The following ATF6 variants were observed in gnomAD, a reference collection of about 807,000 sequenced individuals.
ATF6 encodes the protein cyclic AMP-dependent transcription factor ATF-6 alpha.
Under a neutral mutation model 83.6 loss-of-function variants are expected in ATF6, and 53 were observed. That is an observed-to-expected ratio of 0.63 (90% CI 0.51 to 0.80). The LOEUF (loss-of-function observed/expected upper bound fraction) is 0.80, where lower values mean the gene tolerates loss of function less well. Ranked by LOEUF, ATF6 falls within the 30% of genes least tolerant of loss-of-function variation. The probability of loss-of-function intolerance (pLI) is 0.00; values close to 1 mark genes in which losing one functional copy is unlikely to be tolerated. For missense variants in ATF6, 744 were observed against 797.9 expected, an observed-to-expected ratio of 0.93 and a Z score of 0.81; for synonymous variants, 288 against 285.8, an observed-to-expected ratio of 1.01 and a Z score of -0.08.
intron 10 of ATF6, among the ~76,000 whole-genome samples, chr1:161,846,978 G>A (rs868821904): frequency 6.6e-6 from 1 of 152,104 alleles, no homozygotes; most frequent in South Asian, 2.1e-4. Flanking sequence ...GAACCTATTT[G>A]CAGTCATTAG....
chr1:161,802,681 G>T (rs571529665), intron 7 of ATF6, among the ~76,000 whole-genome samples: 8 of 152,178 alleles, frequency 5.3e-5, no homozygotes, highest in African/African-American at 1.9e-4. Context: ...TTTTTAGGTA[G>T]GTTTTATATT....
chr1:161,780,557 TAG>T (rs1196220472), intron 2 of ATF6, among the ~76,000 whole-genome samples: 1 of 151,986 alleles, frequency 6.6e-6, no homozygotes, highest in East Asian at 1.9e-4. Flanking sequence ...GTATTTTTAG[TAG>T]AGATGGGGTT....
intron 14 of ATF6, chr1:161,892,106 G>A (rs1034550506): frequency 2.0e-5 from 3 of 151,850 alleles, no homozygotes; most frequent in African/African-American, 7.3e-5. Flanking sequence ...TTCTTTTTTT[G>A]CGAGGAACGG....
At position 161,961,560 on chromosome 1, in the gene ATF6, A is replaced by G. The variant is rs986066662; in HGVS notation, c.*2906A>G. 2 of 148,674 alleles carry G rather than the reference A, an allele frequency of 1.3e-5. No homozygotes were observed. The highest frequency in any genetic ancestry group is 5.1e-5 in the African/African-American group (2 of 39,242). The allele number at this position is 148,674 out of a possible 1,614,324, so 9.2% of individuals were successfully genotyped here. On this transcript the variant is annotated 3_prime_UTR_variant, in exon 16 of 16. Transcript: ENST00000367942. ...GCCCTTTAGGAAATGAGAAGTTGCC[A>G]TGCCAGATTAATTTTTTTTTTTTTT...
chr1:161,790,737 G>A (rs1684854876), intron 4 of ATF6, among the ~76,000 whole-genome samples: 2 of 151,986 alleles, frequency 1.3e-5, no homozygotes, highest in Admixed American at 1.3e-4. Flanking sequence ...CTTGAACTGG[G>A]GAGGCAGAGG....
chr1:161,811,089 T>G (rs1159426353), intron 7 of ATF6, among the ~76,000 whole-genome samples: 2 of 152,216 alleles, frequency 1.3e-5, no homozygotes, highest in Non-Finnish European at 2.9e-5. Flanking sequence ...ATTTTCACAG[T>G]CTTTTAAGAA....
At chr1:161,825,869 T>A (rs1571164805) in intron 9 of ATF6, among the ~76,000 whole-genome samples, 2 of 152,080 alleles carry the variant, frequency 1.3e-5, no homozygotes, top group Non-Finnish European at 2.9e-5. Context: ...ACCCACTAAT[T>A]ATGTGGTTGG....
At chr1:161,918,588 G>C (rs1688145811) in intron 15 of ATF6, among the ~76,000 whole-genome samples, 1 of 152,154 alleles carries the variant, frequency 6.6e-6, no homozygotes, top group Admixed American at 6.5e-5. Context: ...CAAAAAGTTT[G>C]AGTACCTATT....
intron 14 of ATF6, among the ~76,000 whole-genome samples, chr1:161,882,164 T>C (rs1055686985): frequency 6.6e-6 from 1 of 152,148 alleles, no homozygotes; most frequent in South Asian, 2.1e-4. Flanking sequence ...CAGTATCCTA[T>C]GATTGAACTT....
chr1:161,833,922 C>T (rs542483041), intron 9 of ATF6, among the ~76,000 whole-genome samples: 1 of 152,256 alleles, frequency 6.6e-6, no homozygotes, highest in Admixed American at 6.5e-5. Flanking sequence ...AAAGATACTC[C>T]TCGAGAAGAG....
At chr1:161,766,501 C>T in intron 1 of ATF6, 59 bp downstream of exon 1, 16 of 1,536,416 alleles carry the variant, frequency 1.0e-5, no homozygotes, top group Non-Finnish European at 1.4e-5. Context: ...AGGTTTCTTC[C>T]TCCCTACTTC....
chr1:161,812,371 C>CT (rs869240831), intron 7 of ATF6, among the ~76,000 whole-genome samples: 3 of 34,340 alleles, frequency 8.7e-5, no homozygotes, highest in Non-Finnish European at 1.7e-4. Flanking sequence ...CAGGTATTTT[C>CT]TTTTTTTTTT....
At chr1:161,825,488 G>A (rs1017481571) in intron 9 of ATF6, among the ~76,000 whole-genome samples, 1 of 152,180 alleles carries the variant, frequency 6.6e-6, no homozygotes, top group African/African-American at 2.4e-5. Flanking sequence ...GCTATAAGTT[G>A]AGGGTTCCCA....
At chr1:161,883,496 A>G (rs1687359550) in intron 14 of ATF6, among the ~76,000 whole-genome samples, 1 of 152,030 alleles carries the variant, frequency 6.6e-6, no homozygotes, top group African/African-American at 2.4e-5. Context: ...GATTGACTAC[A>G]TCACATTCAT....
intron 7 of ATF6, among the ~76,000 whole-genome samples, chr1:161,806,816 C>T (rs369439751): frequency 1.2e-4 from 18 of 152,036 alleles, no homozygotes; most frequent in African/African-American, 3.6e-4. Flanking sequence ...AGAAATGGTG[C>T]GAAGGGGATT....
intron 14 of ATF6, among the ~76,000 whole-genome samples, chr1:161,897,139 ATAT>A (rs1687691865): frequency 6.6e-6 from 1 of 152,184 alleles, no homozygotes; most frequent in South Asian, 2.1e-4. Flanking sequence ...ACTGAATTAA[ATAT>A]TATGTAAAGA....
At chr1:161,899,533 T>A (rs1687740584) in intron 14 of ATF6, among the ~76,000 whole-genome samples, 1 of 152,222 alleles carries the variant, frequency 6.6e-6, no homozygotes, top group Non-Finnish European at 1.5e-5. Flanking sequence ...GTTTCTTAAA[T>A]GTGTAAAATT....
intron 7 of ATF6, among the ~76,000 whole-genome samples, chr1:161,807,663 G>A (rs1685323535): frequency 1.3e-5 from 2 of 152,240 alleles, no homozygotes; most frequent in South Asian, 4.1e-4. Context: ...CTCTTTAAAT[G>A]TAGGTTTGGA....
chr1:161,840,036 CTT>C, intron 9 of ATF6: 1 of 152,302 alleles, frequency 6.6e-6, no homozygotes, highest in Middle Eastern at 3.4e-3. Context: ...AAAAGGATCA[CTT>C]TAGTTACTAT....
Sources: gnomAD v4.1 joint callset for allele counts (sites outside exome capture counted in the v4.1 genomes callset) on GRCh38, gnomAD v4.1.1 for gene constraint, MANE v1.5 for transcripts, NCBI Gene and HGNC (gene_info 2026-07-23, HGNC 2026-07-21) for gene names.